The following DOCK8 variants were observed in gnomAD, a reference collection of about 807,000 sequenced individuals.
The protein encoded by DOCK8 is dedicator of cytokinesis 8, also known as dedicator of cytokinesis protein 8.
DOCK8 carries 141 observed loss-of-function variants against 245.6 expected under a neutral mutation model. The observed-to-expected ratio is 0.57, with a 90% CI of 0.50 to 0.66. The LOEUF (loss-of-function observed/expected upper bound fraction) is 0.66. Ranked by LOEUF, DOCK8 falls within the 30% of genes least tolerant of loss-of-function variation. DOCK8 has a pLI of 0.00. For synonymous variants in DOCK8, 1,168 were observed against 970.2 expected (o/e 1.20, Z -3.79); for missense variants, 2,965 against 2,603.4 (o/e 1.14, Z -3.02).
At chr9:243,504 G>T (rs2047426629) in intron 1 of DOCK8, among the ~76,000 whole-genome samples, 1 of 152,072 alleles carries the variant, frequency 6.6e-6, no homozygotes, top group African/African-American at 2.4e-5. Flanking sequence ...TTGTTTCTTG[G>T]CCTCTTTGCT....
At chr9:213,169 T>C (rs2046647819), upstream of DOCK8, 1 of 152,228 alleles carries the variant, frequency 6.6e-6, no homozygotes, top group Admixed American at 6.5e-5. Flanking sequence ...TATTGTAGTC[T>C]ATGCAGTGAA....
At chr9:362,607 T>C (rs1329516077) in intron 14 of DOCK8, among the ~76,000 whole-genome samples, 1 of 152,186 alleles carries the variant, frequency 6.6e-6, no homozygotes. Context: ...CAAAGCCCTC[T>C]TTCCTTCTCT....
chr9:332,775 A>T (rs571766933), intron 10 of DOCK8, among the ~76,000 whole-genome samples: 34 of 146,634 alleles, frequency 2.3e-4, no homozygotes, highest in African/African-American at 8.4e-4. Flanking sequence ...CTCCCCCTTC[A>T]GCCTCTTGAG....
upstream of DOCK8, chr9:212,834 CATTTT>C (rs528030832): frequency 1.3e-5 from 2 of 152,190 alleles, no homozygotes; most frequent in Non-Finnish European, 2.9e-5. Context: ...GCTTTCATTA[CATTTT>C]ATTTATGTTT....
intron 14 of DOCK8, among the ~76,000 whole-genome samples, chr9:363,444 T>G (rs146074290): frequency 6.6e-6 from 1 of 152,248 alleles, no homozygotes; most frequent in Non-Finnish European, 1.5e-5. Flanking sequence ...TTTATCTGGC[T>G]TGGGCTCTGG....
intron 1 of DOCK8, among the ~76,000 whole-genome samples, chr9:266,246 C>T (rs1205849300): frequency 6.6e-6 from 1 of 152,122 alleles, no homozygotes; most frequent in Non-Finnish European, 1.5e-5. Flanking sequence ...TAATAGAATA[C>T]TTACCATATT....
chr9:450,374 A>C (rs947864032), intron 45 of DOCK8, among the ~76,000 whole-genome samples: 3 of 152,192 alleles, frequency 2.0e-5, no homozygotes, highest in Non-Finnish European at 4.4e-5. Context: ...TGAACCCAGC[A>C]TGCCAAGGAC....
At chr9:407,274 A>T (rs2055477655) in intron 28 of DOCK8, among the ~76,000 whole-genome samples, 1 of 152,152 alleles carries the variant, frequency 6.6e-6, no homozygotes, top group East Asian at 1.9e-4. Flanking sequence ...GGCACCAGGG[A>T]TGGGTAAGAA....
rs1056076125 is a variant in DOCK8, at chr9:439,749, C to T, written c.5223+361C>T. ...ATGATGAGGCATGTTTTCACTCCCT[C>T]GTTTTTCCTCTCAGAGAGAAAAAAA... On this transcript the variant is annotated intron_variant, in intron 40 of 47. Transcript: ENST00000432829. Among the ~76,000 whole-genome samples the T allele has an allele frequency of 3.9e-5, 6 of 152,074 alleles. No homozygotes were observed. In the South Asian group the frequency reaches 6.2e-4, roughly 16 times the overall value.
At chr9:366,715 T>C (rs1458426542) in intron 14 of DOCK8, among the ~76,000 whole-genome samples, 1 of 151,434 alleles carries the variant, frequency 6.6e-6, no homozygotes, top group Non-Finnish European at 1.5e-5. Flanking sequence ...GTAACCTGTT[T>C]ATCTCGCTTT....
At chr9:225,235 T>G (rs2046965983) in intron 1 of DOCK8, among the ~76,000 whole-genome samples, 2 of 152,070 alleles carry the variant, frequency 1.3e-5, no homozygotes, top group Non-Finnish European at 2.9e-5. Context: ...ATTGTGTGGC[T>G]GGGGAGGGGT....
intron 2 of DOCK8, among the ~76,000 whole-genome samples, chr9:281,398 C>T (rs759365373): frequency 7.2e-5 from 11 of 152,296 alleles, no homozygotes; most frequent in Non-Finnish European, 7.3e-5. Context: ...TTGGTCTCCA[C>T]TGGCTAGGAG....
At chr9:317,209 C>A (rs1410336705) in intron 7 of DOCK8, 81 bp downstream of exon 7, 3 of 1,184,342 alleles carry the variant, frequency 2.5e-6, no homozygotes, top group Admixed American at 1.9e-5. Flanking sequence ...ATTATCAGAG[C>A]TTGAATCAAA....
chr9:270,888 C>G (rs1201165061), intron 1 of DOCK8, among the ~76,000 whole-genome samples: 2 of 152,180 alleles, frequency 1.3e-5, no homozygotes, highest in African/African-American at 4.8e-5. Flanking sequence ...AAAACGTGCT[C>G]TGAGTTCCAA....
At chr9:263,324 T>C (rs2129811285) in intron 1 of DOCK8, among the ~76,000 whole-genome samples, 1 of 152,302 alleles carries the variant, frequency 6.6e-6, no homozygotes. Context: ...ACAATACATG[T>C]TTGACTTATT....
chr9:379,376 C>G (rs2053646267), intron 20 of DOCK8, among the ~76,000 whole-genome samples: 1 of 152,096 alleles, frequency 6.6e-6, no homozygotes, highest in Non-Finnish European at 1.5e-5. Flanking sequence ...GATGCAGAAC[C>G]TGATTAATAC....
chr9:337,421 C>G (rs1454975721), intron 12 of DOCK8, among the ~76,000 whole-genome samples: 1 of 152,140 alleles, frequency 6.6e-6, no homozygotes, highest in Non-Finnish European at 1.5e-5. Context: ...CCTTGTGATA[C>G]CAACTATCCT....
rs1554699022 is a variant in DOCK8 at position 415,692 on chromosome 9, G to GCACACACGCACACACA, written c.3700+748_3700+749insGCACACACACACACAC. The stretch of plus-strand genomic sequence containing the variant: ...TGTGTGTGCACGTGTGTGCGCGCGT[G>GCACACACGCACACACA]CACACACACACACACACAATTCCTA... On this transcript the variant is annotated intron_variant, in intron 29 of 47. Transcript: ENST00000432829. 1.1e-3 allele frequency among the ~76,000 whole-genome samples: 165 copies of GCACACACGCACACACA among 151,088 alleles called. 2 individuals carry two copies. Among genetic ancestry groups the GCACACACGCACACACA allele is most frequent in the African/African-American group, 3.8e-3 (158 of 41,200 alleles).
chr9:286,152 C>G (rs1202021073), intron 2 of DOCK8, among the ~76,000 whole-genome samples: 1 of 152,104 alleles, frequency 6.6e-6, no homozygotes, highest in African/African-American at 2.4e-5. Context: ...AAAAATTCAG[C>G]AAAGCTTTGT....
Sources: gnomAD v4.1 joint callset for allele counts (sites outside exome capture counted in the v4.1 genomes callset) on GRCh38, gnomAD v4.1.1 for gene constraint, MANE v1.5 for transcripts, NCBI Gene and HGNC (gene_info 2026-07-23, HGNC 2026-07-21) for gene names.